CSRNP3: variants seen among roughly 807,000 people sequenced by gnomAD.
CSRNP3 encodes cysteine and serine rich nuclear protein 3, also known as cysteine/serine-rich nuclear protein 3.
Under a neutral mutation model 48.0 loss-of-function variants are expected in CSRNP3, and 12 were observed. The ratio of observed to expected loss-of-function variants is 0.25; its 90% CI spans 0.16 to 0.41. The LOEUF (loss-of-function observed/expected upper bound fraction) is 0.41, where lower values mean the gene tolerates loss of function less well. Among genes scored for constraint, CSRNP3 ranks in the 10% least tolerant of loss-of-function variants. The probability of loss-of-function intolerance (pLI) is 1.00; values close to 1 mark genes in which losing one functional copy is unlikely to be tolerated. For synonymous variants in CSRNP3, 263 were observed against 269.7 expected (o/e 0.98, Z 0.24); for missense variants, 580 against 724.4 (o/e 0.80, Z 2.29).
chr2:165,515,606 A>G (rs1684570769), intron 2 of CSRNP3, among the ~76,000 whole-genome samples: 1 of 151,516 alleles, frequency 6.6e-6, no homozygotes, highest in South Asian at 2.1e-4. Flanking sequence ...TTTTCTTTTT[A>G]TGGCAGCAGA....
chr2:165,487,858 A>C (rs201841494), intron 1 of CSRNP3, among the ~76,000 whole-genome samples: 22,939 of 126,726 alleles, frequency 0.18, 2,271 homozygotes, highest in East Asian at 0.29. Flanking sequence ...AATGTAAAGA[A>C]CATCGAGACT....
At chr2:165,610,565 T>C (rs1045404044) in intron 4 of CSRNP3, among the ~76,000 whole-genome samples, 1 of 152,180 alleles carries the variant, frequency 6.6e-6, no homozygotes, top group Non-Finnish European at 1.5e-5. Context: ...ACCACCTCAG[T>C]CTTCATTTGT....
chr2:165,493,669 C>A (rs1684249709), intron 1 of CSRNP3, among the ~76,000 whole-genome samples: 1 of 152,064 alleles, frequency 6.6e-6, no homozygotes, highest in South Asian at 2.1e-4. Context: ...ACCCAAGTAA[C>A]AGCTTCACCC....
At chr2:165,602,552 T>C (rs147854339) in intron 4 of CSRNP3, among the ~76,000 whole-genome samples, 1 of 152,322 alleles carries the variant, frequency 6.6e-6, no homozygotes, top group Non-Finnish European at 1.5e-5. Context: ...TGGAGGAAGA[T>C]ATTTATGAGC....
intron 4 of CSRNP3, among the ~76,000 whole-genome samples, chr2:165,655,661 A>G (rs1256999316): frequency 6.6e-6 from 1 of 152,182 alleles, no homozygotes; most frequent in Admixed American, 6.5e-5. Context: ...CTAGATGACC[A>G]AGGTGTTGGC....
rs1174538514 is a variant in CSRNP3, at chr2:165,680,718, A to G, written c.*965A>G. ...TAAAAAAAAATTAAAAAGATCTTTA[A>G]CTATTATAAGGTTCATATAATTAAT... On this transcript the variant is annotated 3_prime_UTR_variant, in exon 7 of 7. Coordinates refer to ENST00000651982, the MANE Select transcript of CSRNP3 (RefSeq NM_001172173.2). 1.3e-5 allele frequency: 2 copies of G among 152,340 alleles called. No individual in the cohort carries two copies. Among genetic ancestry groups the G allele is most frequent in the South Asian group, 2.1e-4 (1 of 4,834 alleles). The allele number at this position is 152,340 out of a possible 1,614,324, so 9.4% of individuals were successfully genotyped here. A position where few individuals can be genotyped will look rare whatever the true frequency, so the allele number is the denominator to read the frequency against.
chr2:165,508,402 G>A (rs776751551), intron 2 of CSRNP3, among the ~76,000 whole-genome samples: 20 of 152,036 alleles, frequency 1.3e-4, no homozygotes, highest in Non-Finnish European at 2.4e-4. Flanking sequence ...CACATACAAA[G>A]AATTTTATGT....
At chr2:165,639,167 A>T (rs1686684963) in intron 4 of CSRNP3, among the ~76,000 whole-genome samples, 1 of 152,226 alleles carries the variant, frequency 6.6e-6, no homozygotes, top group African/African-American at 2.4e-5. Flanking sequence ...TAGGAATAGT[A>T]GACAGCACTG....
chr2:165,578,558 C>G (rs1685490055), intron 3 of CSRNP3, among the ~76,000 whole-genome samples: 1 of 152,042 alleles, frequency 6.6e-6, no homozygotes, highest in South Asian at 2.1e-4. Context: ...AGAATGAGAT[C>G]TAGTCCAACA....
intron 3 of CSRNP3, among the ~76,000 whole-genome samples, chr2:165,593,924 A>C (rs1685767213): frequency 6.6e-6 from 1 of 152,212 alleles, no homozygotes; most frequent in Non-Finnish European, 1.5e-5. Context: ...AAATTTTCAT[A>C]CCTGACCTTA....
chr2:165,664,459 A>G (rs1687146275), intron 5 of CSRNP3, among the ~76,000 whole-genome samples: 1 of 152,240 alleles, frequency 6.6e-6, no homozygotes, highest in African/African-American at 2.4e-5. Flanking sequence ...ATTCTGCCCC[A>G]TAAGTACACA....
At chr2:165,548,505 T>C (rs1514756) in intron 3 of CSRNP3, among the ~76,000 whole-genome samples, 7,289 of 152,152 alleles carry the variant, frequency 0.048, 249 homozygotes, top group Middle Eastern at 0.092. Context: ...TACAGCTAGG[T>C]TTATACAGGA....
intron 3 of CSRNP3, among the ~76,000 whole-genome samples, chr2:165,543,561 A>G (rs914692683): frequency 9.9e-5 from 15 of 152,150 alleles, no homozygotes; most frequent in Non-Finnish European, 1.9e-4. Context: ...CATCTCAATC[A>G]TCAAACTAAA....
chr2:165,628,781 A>AG (rs999315172), intron 4 of CSRNP3, among the ~76,000 whole-genome samples: 1 of 151,736 alleles, frequency 6.6e-6, no homozygotes, highest in African/African-American at 2.4e-5. Context: ...ACTAGGGATG[A>AG]GGGGGCCGGG....
intron 3 of CSRNP3, among the ~76,000 whole-genome samples, chr2:165,563,164 A>G (rs1304917312): frequency 6.6e-6 from 1 of 152,190 alleles, no homozygotes; most frequent in African/African-American, 2.4e-5. Flanking sequence ...TTAGTACACA[A>G]TTGTTAAAAC....
At chr2:165,606,201 G>A (rs1322085415) in intron 4 of CSRNP3, among the ~76,000 whole-genome samples, 1 of 151,354 alleles carries the variant, frequency 6.6e-6, no homozygotes, top group African/African-American at 2.4e-5. Context: ...AAATTATTAT[G>A]TATTTGGGTA....
At chr2:165,655,168 T>C (rs6432837) in intron 4 of CSRNP3, among the ~76,000 whole-genome samples, 3,872 of 152,280 alleles carry the variant, frequency 0.025, 159 homozygotes, top group African/African-American at 0.088. Flanking sequence ...TTACACAGCC[T>C]TCCAAATCAA....
intron 3 of CSRNP3, among the ~76,000 whole-genome samples, chr2:165,545,447 T>C (rs1003542398): frequency 3.9e-5 from 6 of 152,158 alleles, no homozygotes; most frequent in Middle Eastern, 3.4e-3. Flanking sequence ...CAAGTTAGGA[T>C]TGGATTTGGC....
At chr2:165,487,736 A>G (rs1284390363) in intron 1 of CSRNP3, among the ~76,000 whole-genome samples, 1 of 150,134 alleles carries the variant, frequency 6.7e-6, no homozygotes, top group African/African-American at 2.5e-5. Context: ...TTTACAGACA[A>G]GCAAATGCTG....
Sources: allele counts gnomAD v4.1 joint callset (sites outside exome capture counted in the v4.1 genomes callset), GRCh38; gene constraint gnomAD v4.1.1; transcripts MANE v1.5; gene names NCBI Gene and HGNC (gene_info 2026-07-23, HGNC 2026-07-21).